Variants in CAPN8 observed in about 807,000 individuals in gnomAD.
CAPN8 encodes the protein calpain 8.
A neutral mutation model predicts 80.9 loss-of-function variants in CAPN8; 87 were observed. The observed-to-expected ratio is 1.07, with a 90% CI of 0.90 to 1.28. The LOEUF (loss-of-function observed/expected upper bound fraction) is 1.28. Among genes scored for constraint, CAPN8 ranks in the 50% most tolerant of loss-of-function variants. CAPN8 has a pLI of 0.00. For synonymous variants in CAPN8, 299 were observed against 273.8 expected, an observed-to-expected ratio of 1.09 and a Z score of -0.91; for missense variants, 757 against 702.0, an observed-to-expected ratio of 1.08 and a Z score of -0.89.
intron 2 of CAPN8, among the ~76,000 whole-genome samples, chr1:223,652,265 C>G (rs1658362342): frequency 6.6e-6 from 1 of 151,946 alleles, no homozygotes; most frequent in East Asian, 1.9e-4. Context: ...TCACTTGAGC[C>G]CAGGAGAAGG....
chr1:223,557,147 T>C (rs1052131405), intron 13 of CAPN8, among the ~76,000 whole-genome samples: 1 of 152,072 alleles, frequency 6.6e-6, no homozygotes, highest in Admixed American at 6.5e-5. Context: ...TTCTATCTGA[T>C]AAACTCACAA....
Position 223,612,226 on chromosome 1 carries a change from C to T in CAPN8, c.1323+20G>A, listed in dbSNP as rs1194661725. ...GCTATTTCTCACCAAAGGAAGGAAT[C>T]TCTGTCAGCACTCACATACCTCCTT... is the stretch of plus-strand genomic sequence containing the variant. On this transcript the variant is annotated intron_variant, in intron 11 of 20. Coordinates refer to ENST00000366872, the MANE Select transcript of CAPN8 (RefSeq NM_001143962.2). 2.4e-6 allele frequency: 3 copies of T among 1,234,128 alleles called. No individual in the cohort carries two copies. In the African/African-American group the frequency reaches 4.7e-5, roughly 19 times the overall value. 76.4% of individuals were successfully genotyped at this position (1,234,128 alleles called of 1,614,324 possible). A position where few individuals can be genotyped will look rare whatever the true frequency, so the allele number is the denominator to read the frequency against.
intron 15 of CAPN8, among the ~76,000 whole-genome samples, chr1:223,550,300 G>T (rs1656749061): frequency 6.6e-6 from 1 of 152,166 alleles, no homozygotes. Context: ...TGGCTCCTGG[G>T]CCAAGCCCCT....
intron 2 of CAPN8, among the ~76,000 whole-genome samples, chr1:223,641,728 A>G (rs2186008): frequency 0.99 from 151,092 of 152,314 alleles, 74,954 homozygotes; most frequent in East Asian, 1. Flanking sequence ...CTTCCTAGCC[A>G]AAGGACCTTT....
intron 5 of CAPN8, among the ~76,000 whole-genome samples, chr1:223,626,671 A>G (rs564622099): frequency 3.3e-4 from 50 of 152,338 alleles, no homozygotes; most frequent in Admixed American, 5.9e-4. Context: ...AAAAGGAGGT[A>G]GCAAATGGGG....
At chr1:223,654,248 C>T (rs1423159073) in intron 2 of CAPN8, 82 bp downstream of exon 2, 1 of 1,243,254 alleles carries the variant, frequency 8.0e-7, no homozygotes, top group African/African-American at 1.5e-5. Context: ...GGTGAAGTCT[C>T]ACAGCTTCAT....
rs1202558533 is a variant in CAPN8 at position 223,609,134 on chromosome 1, C to T, written c.1535+19G>A. On this transcript the variant is annotated intron_variant, in intron 12 of 20. Transcript: ENST00000366872. The stretch of plus-strand genomic sequence containing the variant: ...GCCCACAGACAACTGTTCCCCACCA[C>T]GGAGGGAAGGAGACGCACAGGGCCT... 16 of 398,224 alleles carry T rather than the reference C, an allele frequency of 4.0e-5. No homozygotes were observed. The East Asian group carries it at 5.0e-4, about 12-fold the overall frequency. The allele number at this position is 398,224 out of a possible 1,614,324, so 24.7% of individuals were successfully genotyped here.
intron 14 of CAPN8, among the ~76,000 whole-genome samples, chr1:223,551,573 T>C (rs997944013): frequency 6.6e-5 from 10 of 152,224 alleles, no homozygotes; most frequent in Non-Finnish European, 1.3e-4. Flanking sequence ...AAGGCTGCCA[T>C]GCCAGGGTCC....
intron 19 of CAPN8, 127 bp downstream of exon 19, chr1:223,543,940 C>T (rs1572218241): frequency 2.1e-5 from 13 of 623,658 alleles, no homozygotes; most frequent in Non-Finnish European, 3.5e-5. Flanking sequence ...TTCCAGAAGC[C>T]CTGTCTATCA....
In CAPN8 at chr1:223,632,742, A is replaced by G. The variant is rs78343332; in HGVS notation, c.308-3962T>C. On this transcript the variant is annotated intron_variant, in intron 2 of 20. Coordinates refer to ENST00000366872, the MANE Select transcript of CAPN8 (RefSeq NM_001143962.2). Reference sequence around the variant, plus strand: ...ACTAGTTAGGTGGTGAATAAGGCAGACAAAAACACTGGGAAATACCTTGAT... The same window carrying G: ...ACTAGTTAGGTGGTGAATAAGGCAGGCAAAAACACTGGGAAATACCTTGAT... 7.2e-3 allele frequency among the ~76,000 whole-genome samples: 1,090 copies of G among 152,354 alleles called. 56 individuals carry two copies. The East Asian group carries it at 0.1, about 15-fold the overall frequency.
At chr1:223,628,338 C>T (rs1260243211) in intron 3 of CAPN8, among the ~76,000 whole-genome samples, 196 bp from the exon 4 acceptor site, 1 of 152,164 alleles carries the variant, frequency 6.6e-6, no homozygotes, top group Non-Finnish European at 1.5e-5. Context: ...CCAGGGTCTG[C>T]GTTTGTGCAT....
At chr1:223,542,344 T>C (rs146737179) in intron 20 of CAPN8, among the ~76,000 whole-genome samples, 16 of 152,202 alleles carry the variant, frequency 1.1e-4, no homozygotes, top group Non-Finnish European at 2.1e-4. Context: ...ACAACCACAC[T>C]CCATTTTAGG....
At chr1:223,655,045 G>A (rs1658446211) in intron 1 of CAPN8, among the ~76,000 whole-genome samples, 1 of 151,894 alleles carries the variant, frequency 6.6e-6, no homozygotes, top group Non-Finnish European at 1.5e-5. Flanking sequence ...TGTGGGTGTG[G>A]AAAGGTGGTG....
chr1:223,638,207 A>C (rs1279121704), intron 2 of CAPN8, among the ~76,000 whole-genome samples: 1 of 152,212 alleles, frequency 6.6e-6, no homozygotes, highest in Non-Finnish European at 1.5e-5. Flanking sequence ...ATTATAAGTA[A>C]TCCAGAGGTG....
At chr1:223,553,281 C>G (rs959801012) in intron 14 of CAPN8, among the ~76,000 whole-genome samples, 2 of 152,134 alleles carry the variant, frequency 1.3e-5, no homozygotes, top group African/African-American at 2.4e-5. Flanking sequence ...GATCAGGGGT[C>G]GCTTCTTTCT....
chr1:223,638,116 T>G (rs1388114448), intron 2 of CAPN8, among the ~76,000 whole-genome samples: 1 of 152,144 alleles, frequency 6.6e-6, no homozygotes, highest in East Asian at 1.9e-4. Flanking sequence ...GTACTGAACA[T>G]GTACAGACTT....
chr1:223,628,094 G>A lies in CAPN8; in HGVS notation c.475C>T (p.Pro159Ser). 8 of 1,550,854 alleles carry A rather than the reference G, an allele frequency of 5.2e-6. No individual in the cohort carries two copies. The highest frequency in any genetic ancestry group is 2.4e-5 in the East Asian group (1 of 40,894). Residue 159 changes from proline (P) to serine (S), a missense_variant, in exon 4 of 21, where the codon CCC becomes TCC. Pro to Ser is a moderately conservative substitution (Grantham distance 74). Coordinates refer to ENST00000366872, the MANE Select transcript of CAPN8 (RefSeq NM_001143962.2). ...WVEVVIDDRL[P>S]TKNGQLLFLH... The stretch of plus-strand genomic sequence containing the variant: ...AAGAGCAGCTGTCCATTCTTGGTGG[G>A]CAGCCTGTCGTCAATGACCACCTCC...
intron 8 of CAPN8, 83 bp from the exon 9 acceptor site, chr1:223,619,536 C>T (rs1418928500): frequency 2.0e-6 from 3 of 1,464,088 alleles, no homozygotes; most frequent in Admixed American, 4.1e-5. Flanking sequence ...GGGAAGGAGC[C>T]CTGTGGCACA....
rs1657557369 is a variant in CAPN8, at chr1:223,625,846, G to C, written c.772C>G (p.Leu258Val). 1 of 1,551,438 alleles carries C rather than the reference G, an allele frequency of 6.4e-7. No individual in the cohort carries two copies. The highest frequency in any genetic ancestry group is 1.4e-5 in the African/African-American group (1 of 73,044). ...AEAEAITSQKLVKSHAYSVTG... is the reference protein window; with the variant it reads ...AEAEAITSQKVVKSHAYSVTG... ...ACAGAGTACGCATGACTCTTAACCA[G>C]CTTCTGGCTGGTGATGGCTTCGGCT... is the stretch of plus-strand genomic sequence containing the variant. The change falls in exon 6 of 21, where the codon CTG (leucine) becomes GTG (valine). Residue 258 changes from leucine to valine, a missense_variant. Coordinates refer to ENST00000366872, the MANE Select transcript of CAPN8 (RefSeq NM_001143962.2).
Sources: gnomAD v4.1 joint callset for allele counts (sites outside exome capture counted in the v4.1 genomes callset) on GRCh38, gnomAD v4.1.1 for gene constraint, MANE v1.5 for transcripts, NCBI Gene and HGNC (gene_info 2026-07-23, HGNC 2026-07-21) for gene names.